Variants in PTGIS observed in about 807,000 individuals in gnomAD.
The protein encoded by PTGIS is prostaglandin I2 synthase, also known as prostacyclin synthase.
PTGIS carries 45 observed loss-of-function variants against 50.3 expected under a neutral mutation model. That is an observed-to-expected ratio of 0.90 (90% CI 0.70 to 1.15). The LOEUF (loss-of-function observed/expected upper bound fraction) is 1.15. Ranked by LOEUF, PTGIS falls within the 50% of genes most tolerant of loss-of-function variation. PTGIS has a pLI of 0.00. For synonymous variants in PTGIS, 260 were observed against 267.7 expected (o/e 0.97, Z 0.28); for missense variants, 668 against 661.3 (o/e 1.01, Z -0.11).
chr20:49,556,432 C>T (rs1982623916), intron 1 of PTGIS, among the ~76,000 whole-genome samples: 1 of 152,166 alleles, frequency 6.6e-6, no homozygotes, highest in African/African-American at 2.4e-5. Context: ...CAAAGAATGT[C>T]ACTTTTTGAA....
Position 49,509,576 on chromosome 20 carries a change from C to T in PTGIS, c.1358+1452G>A, listed in dbSNP as rs547319452. On this transcript the variant is annotated intron_variant, in intron 9 of 9. Transcript: ENST00000244043. ...ATATAATGCAAGTTTCACATTTGCTCACGTGCAATTTCACTTGTGAGAAAC... is the reference window on the plus strand; with the variant it reads ...ATATAATGCAAGTTTCACATTTGCTTACGTGCAATTTCACTTGTGAGAAAC... Among the ~76,000 whole-genome samples, 3 of 152,252 alleles carry T rather than the reference C, an allele frequency of 2.0e-5. No individual in the cohort carries two copies. In the East Asian group the frequency reaches 5.8e-4, roughly 29 times the overall value.
intron 5 of PTGIS, among the ~76,000 whole-genome samples, chr20:49,534,338 AC>A (rs1982015906): frequency 6.6e-6 from 1 of 152,196 alleles, no homozygotes. Flanking sequence ...TGCTTCAAGC[AC>A]CCCACAGCAA....
chr20:49,514,448 C>T lies in PTGIS; in HGVS notation c.856-53G>A, dbSNP rs551807981. 3.8e-6 allele frequency: 6 copies of T among 1,593,262 alleles called. No homozygotes were observed. The East Asian group carries it at 1.4e-4, about 36-fold the overall frequency. ...CATTATGAGGGCAGAGCTGACTCGT[C>T]TCTGCCAGGGACACAGCTCGGGCCA... is the stretch of plus-strand genomic sequence containing the variant. On this transcript the variant is annotated intron_variant, in intron 6 of 9. Transcript: ENST00000244043.
At chr20:49,558,657 C>T (rs1453185033) in intron 1 of PTGIS, among the ~76,000 whole-genome samples, 1 of 151,818 alleles carries the variant, frequency 6.6e-6, no homozygotes, top group African/African-American at 2.4e-5. Flanking sequence ...TGAATAGGAG[C>T]TGGGTAAAAT....
chr20:49,565,003 C>T (rs1432405977), intron 1 of PTGIS, among the ~76,000 whole-genome samples: 2 of 147,450 alleles, frequency 1.4e-5, no homozygotes, highest in African/African-American at 5.0e-5. Context: ...GATGGAGTCG[C>T]TCTGTCGCCC....
chr20:49,505,663 C>T lies in PTGIS; in HGVS notation c.*2257G>A, dbSNP rs1051709048. 3.3e-5 allele frequency: 5 copies of T among 152,742 alleles called. No individual in the cohort carries two copies. The highest frequency in any genetic ancestry group is 1.2e-4 in the African/African-American group (5 of 41,448). 9.5% of individuals were successfully genotyped at this position (152,742 alleles called of 1,614,324 possible). A position where few individuals can be genotyped will look rare whatever the true frequency, so the allele number is the denominator to read the frequency against. On this transcript the variant is annotated 3_prime_UTR_variant, in exon 10 of 10. Coordinates refer to ENST00000244043, the MANE Select transcript of PTGIS (RefSeq NM_000961.4). The stretch of plus-strand genomic sequence containing the variant: ...TCTGCCGGCTTGCTTCCTTCCCTTC[C>T]CAGCCACGATGAGGCAGCTGAGGGT...
At chr20:49,518,963 T>C (rs1981571298) in intron 6 of PTGIS, among the ~76,000 whole-genome samples, 1 of 151,990 alleles carries the variant, frequency 6.6e-6, no homozygotes, top group Non-Finnish European at 1.5e-5. Context: ...GCTGAGGATG[T>C]GATGGGGTGA....
Position 49,523,486 on chromosome 20 carries a change from CAAAAACA to C in PTGIS, c.855+565_855+571del, listed in dbSNP as rs542802447. Among the ~76,000 whole-genome samples the C allele has an allele frequency of 9.3e-4, 141 of 151,408 alleles. 2 individuals are homozygous for C. The South Asian group carries it at 0.018, about 19-fold the overall frequency. On this transcript the variant is annotated intron_variant, in intron 6 of 9. Transcript: ENST00000244043. The stretch of plus-strand genomic sequence containing the variant: ...AACATTTTTCCAAATTAAAAAAAAA[CAAAAACA>C]AAAAACAAAAAACAAAAAGAAGCTG...
At chr20:49,561,726 C>G (rs1469918714) in intron 1 of PTGIS, among the ~76,000 whole-genome samples, 2 of 152,178 alleles carry the variant, frequency 1.3e-5, no homozygotes, top group African/African-American at 4.8e-5. Flanking sequence ...ATTTCCTCAT[C>G]TGTAAAATGG....
At chr20:49,533,727 C>A (rs1981993619) in intron 5 of PTGIS, among the ~76,000 whole-genome samples, 1 of 152,094 alleles carries the variant, frequency 6.6e-6, no homozygotes, top group South Asian at 2.1e-4. Flanking sequence ...GAGGCTGAAG[C>A]AGGCAGATCA....
chr20:49,518,490 G>T (rs1385248999), intron 6 of PTGIS, among the ~76,000 whole-genome samples: 1 of 152,188 alleles, frequency 6.6e-6, no homozygotes, highest in Non-Finnish European at 1.5e-5. Context: ...ATAAAGTATA[G>T]ACTTTAGTTA....
In PTGIS at chr20:49,544,400, G is replaced by A; in HGVS notation, c.426C>T (p.Thr142=). The change falls in exon 4 of 10, where the codon ACC becomes ACT. Residue 142 remains threonine (T), a synonymous_variant. Coordinates refer to ENST00000244043, the MANE Select transcript of PTGIS (RefSeq NM_000961.4). Reference sequence around the variant, plus strand: ...CGCCCAACAGCACTGCATGGAGGTTGGTATACATGGCTTCTGTGAGTGCCT... The same window carrying A: ...CGCCCAACAGCACTGCATGGAGGTTAGTATACATGGCTTCTGTGAGTGCCT... The part of the protein sequence containing the change: ...ELQALTEAMY[T]NLHAVLLGDA... 6.2e-7 allele frequency: 1 copy of A among 1,614,124 alleles called. No homozygotes were observed. Among genetic ancestry groups the A allele is most frequent in the Non-Finnish European group, 8.5e-7 (1 of 1,180,006 alleles).
At chr20:49,519,461 C>T (rs1749070534) in intron 6 of PTGIS, among the ~76,000 whole-genome samples, 1 of 152,052 alleles carries the variant, frequency 6.6e-6, no homozygotes, top group Non-Finnish European at 1.5e-5. Context: ...TCTGACCCAG[C>T]TTCCCACTCC....
chr20:49,523,257 G>A (rs1352622364), intron 6 of PTGIS, among the ~76,000 whole-genome samples: 1 of 151,912 alleles, frequency 6.6e-6, no homozygotes, highest in Non-Finnish European at 1.5e-5. Context: ...TTACACTCAA[G>A]CAATTAGGGA....
At chr20:49,534,598 G>C (rs1259468769) in intron 5 of PTGIS, among the ~76,000 whole-genome samples, 1 of 152,116 alleles carries the variant, frequency 6.6e-6, no homozygotes, top group East Asian at 1.9e-4. Context: ...GATGTGGCAG[G>C]TGCTTTATGC....
Position 49,506,010 on chromosome 20 carries a change from A to C in PTGIS, c.*1910T>G, listed in dbSNP as rs1177284029. On this transcript the variant is annotated 3_prime_UTR_variant, in exon 10 of 10. Coordinates refer to ENST00000244043, the MANE Select transcript of PTGIS (RefSeq NM_000961.4). The stretch of plus-strand genomic sequence containing the variant: ...TGTCTTACAAGATGTACCCAAGTTT[A>C]GGTGCCTCTGGCTCTGTCAGCTCCT... 2 of 152,706 alleles carry C rather than the reference A, an allele frequency of 1.3e-5. No homozygotes were observed. The highest frequency in any genetic ancestry group is 2.9e-5 in the Non-Finnish European group (2 of 68,086). The allele number at this position is 152,706 out of a possible 1,614,324, so 9.5% of individuals were successfully genotyped here. A position where few individuals can be genotyped will look rare whatever the true frequency, so the allele number is the denominator to read the frequency against.
chr20:49,551,450 T>C (rs1008037569), intron 1 of PTGIS, among the ~76,000 whole-genome samples: 2 of 152,212 alleles, frequency 1.3e-5, no homozygotes, highest in African/African-American at 4.8e-5. Context: ...CAATAACTCT[T>C]GCAACCAATT....
intron 9 of PTGIS, among the ~76,000 whole-genome samples, chr20:49,510,419 T>G (rs187211969): frequency 6.6e-6 from 1 of 152,298 alleles, no homozygotes; most frequent in East Asian, 1.9e-4. Flanking sequence ...AAAGATCCAA[T>G]TCATTTATCC....
In PTGIS at chr20:49,547,854, C is replaced by T. The variant is rs778170334; in HGVS notation, c.364G>A (p.Ala122Thr). Reference protein sequence around the residue: ...LPHYSPSDEKARMKLTLLHRE... With the variant: ...LPHYSPSDEKTRMKLTLLHRE... ...CCAGCCACTCACAGTTTCATCCTGG[C>T]CTTTTCATCACTGGGGCTGTAATGT... Residue 122 changes from alanine to threonine, a missense_variant, in exon 3 of 10, where the codon GCC (alanine) becomes ACC (threonine). Coordinates refer to ENST00000244043, the MANE Select transcript of PTGIS (RefSeq NM_000961.4). 16 of 1,614,136 alleles carry T rather than the reference C, an allele frequency of 9.9e-6. No individual in the cohort carries two copies. The highest frequency in any genetic ancestry group is 1.4e-5 in the Non-Finnish European group (16 of 1,180,006).
Sources: gnomAD v4.1 joint callset for allele counts (sites outside exome capture counted in the v4.1 genomes callset) on GRCh38, gnomAD v4.1.1 for gene constraint, MANE v1.5 for transcripts, NCBI Gene and HGNC (gene_info 2026-07-23, HGNC 2026-07-21) for gene names.